The following KALRN variants were observed in gnomAD, a reference collection of about 807,000 sequenced individuals.
The protein encoded by KALRN is kalirin RhoGEF kinase, also known as kalirin.
KALRN carries 70 observed loss-of-function variants against 353.7 expected under a neutral mutation model. That is an observed-to-expected ratio of 0.20 (90% CI 0.16 to 0.24). The LOEUF (loss-of-function observed/expected upper bound fraction) is 0.24, where lower values mean the gene tolerates loss of function less well. KALRN is among the 10% of genes least tolerant of loss of function. KALRN has a pLI of 1.00. For missense variants in KALRN, 2,791 were observed against 3,756.7 expected, an observed-to-expected ratio of 0.74 and a Z score of 6.72; for synonymous variants, 1,391 against 1,434.8, an observed-to-expected ratio of 0.97 and a Z score of 0.69.
intron 33 of KALRN, among the ~76,000 whole-genome samples, chr3:124,501,446 A>C (rs1304801502): frequency 6.6e-6 from 1 of 152,218 alleles, no homozygotes; most frequent in Non-Finnish European, 1.5e-5. Flanking sequence ...GTCATGACCA[A>C]GATTTTGTTT....
At chr3:124,593,061 C>T (rs2075960855) in intron 34 of KALRN, among the ~76,000 whole-genome samples, 1 of 152,160 alleles carries the variant, frequency 6.6e-6, no homozygotes, top group Admixed American at 6.5e-5. Context: ...TAGTTGTGGG[C>T]TTGTATCTCT....
intron 10 of KALRN, among the ~76,000 whole-genome samples, chr3:124,355,604 A>G (rs2083296628): frequency 6.6e-6 from 1 of 152,028 alleles, no homozygotes; most frequent in Non-Finnish European, 1.5e-5. Context: ...GCTGTCCAAA[A>G]CAGAGTGAAG....
At chr3:124,600,968 G>T (rs2076740247) in intron 34 of KALRN, among the ~76,000 whole-genome samples, 1 of 152,198 alleles carries the variant, frequency 6.6e-6, no homozygotes, top group Admixed American at 6.5e-5. Flanking sequence ...GCCCTCTTGT[G>T]CTCATGCGTC....
rs79802878 is a variant in KALRN, at chr3:124,431,413, A to G, written c.2829+638A>G. Among the ~76,000 whole-genome samples, 255 of 152,350 alleles carry G rather than the reference A, an allele frequency of 1.7e-3. 1 individual carries two copies. The highest frequency in any genetic ancestry group is 5.4e-3 in the African/African-American group (225 of 41,592). ...GCTATTTAAAAATAAAACTTCATTT[A>G]TGATAATCTAATATAAATTTTGTCT... On this transcript the variant is annotated intron_variant, in intron 16 of 59. Transcript: ENST00000682506.
At chr3:124,172,448 C>A (rs958163774) in intron 1 of KALRN, among the ~76,000 whole-genome samples, 8 of 152,090 alleles carry the variant, frequency 5.3e-5, no homozygotes, top group African/African-American at 1.7e-4. Flanking sequence ...GATGGAATAG[C>A]CAGAAATGAT....
At chr3:124,248,236 G>C (rs1239837732) in intron 3 of KALRN, among the ~76,000 whole-genome samples, 1 of 151,408 alleles carries the variant, frequency 6.6e-6, no homozygotes, top group African/African-American at 2.4e-5. Context: ...GCTCCCCAAG[G>C]AAAAAGGAGA....
intron 51 of KALRN, among the ~76,000 whole-genome samples, chr3:124,693,246 A>C (rs2061906059): frequency 7.0e-6 from 1 of 142,058 alleles, no homozygotes; most frequent in East Asian, 2.5e-4. Context: ...ATTCCCCTTC[A>C]TCCAGAGAAG....
chr3:124,034,577 G>A (rs568892372), intron 1 of KALRN, among the ~76,000 whole-genome samples: 5 of 151,958 alleles, frequency 3.3e-5, no homozygotes, highest in South Asian at 2.1e-4. Context: ...AGCTCTTTGC[G>A]CCCCTGCCAT....
chr3:124,451,127 A>G (rs934333430), intron 21 of KALRN, among the ~76,000 whole-genome samples: 2 of 152,206 alleles, frequency 1.3e-5, no homozygotes, highest in Non-Finnish European at 2.9e-5. Context: ...AGATTATAAG[A>G]TTACTATCAA....
chr3:124,261,375 C>T (rs4677922), intron 3 of KALRN, among the ~76,000 whole-genome samples: 105,756 of 152,102 alleles, frequency 0.7, 38,626 homozygotes, highest in Non-Finnish European at 0.82. Flanking sequence ...AGCCCCAGCA[C>T]AGAATGAGCA....
At chr3:124,374,878 T>C (rs1313409969) in intron 10 of KALRN, among the ~76,000 whole-genome samples, 4 of 152,214 alleles carry the variant, frequency 2.6e-5, no homozygotes, top group Non-Finnish European at 5.9e-5. Flanking sequence ...GCAGGCAGCC[T>C]TATTCTGTTC....
At chr3:124,586,292 C>T (rs774695307) in intron 34 of KALRN, among the ~76,000 whole-genome samples, 6 of 152,162 alleles carry the variant, frequency 3.9e-5, no homozygotes, top group Non-Finnish European at 7.4e-5. Context: ...TGGGTTCGCT[C>T]GAAGGCTGCC....
intron 33 of KALRN, among the ~76,000 whole-genome samples, chr3:124,497,978 A>G (rs1266230398): frequency 1.3e-5 from 2 of 152,176 alleles, no homozygotes; most frequent in Non-Finnish European, 2.9e-5. Context: ...GCTGGACTAG[A>G]AGACCTTTGA....
chr3:124,717,346 G>A lies in KALRN; in HGVS notation c.8376G>A (p.Gln2792=), dbSNP rs2063175257. The change falls in exon 59 of 60, where the codon CAG becomes CAA. Residue 2792 remains glutamine, a synonymous_variant. Coordinates refer to ENST00000682506, the MANE Select transcript of KALRN (RefSeq NM_001388419.1). ...FYIRDIMEAL[Q]YLHNCRVAHL... Reference sequence around the variant, plus strand: ...TCCGAGACATCATGGAGGCTCTGCAGTACCTTCACAACTGCAGGGTTGCAC... The same window carrying A: ...TCCGAGACATCATGGAGGCTCTGCAATACCTTCACAACTGCAGGGTTGCAC... The A allele has an allele frequency of 1.2e-6, 2 of 1,611,980 alleles. No homozygotes were observed. The highest frequency in any genetic ancestry group is 1.7e-5 in the Admixed American group (1 of 59,696).
chr3:124,588,639 TG>T (rs1310391265), intron 34 of KALRN, among the ~76,000 whole-genome samples: 1 of 151,720 alleles, frequency 6.6e-6, no homozygotes, highest in African/African-American at 2.4e-5. Context: ...TTGTCTAGGC[TG>T]GTCTTGAACT....
intron 34 of KALRN, among the ~76,000 whole-genome samples, chr3:124,572,540 T>C (rs1319731102): frequency 2.0e-5 from 3 of 151,992 alleles, no homozygotes; most frequent in Admixed American, 1.3e-4. Context: ...TTATTTTGAG[T>C]AGAATGTCAC....
chr3:124,108,188 C>T (rs1276372532), intron 1 of KALRN, among the ~76,000 whole-genome samples: 1 of 152,190 alleles, frequency 6.6e-6, no homozygotes. Flanking sequence ...TGGTTCCATA[C>T]TCTGCCCTGG....
intron 10 of KALRN, among the ~76,000 whole-genome samples, chr3:124,353,538 T>C (rs974901205): frequency 1.1e-4 from 17 of 152,188 alleles, no homozygotes; most frequent in Non-Finnish European, 7.4e-5. Flanking sequence ...TTTAGGATTT[T>C]CAAGGGGCAT....
chr3:124,333,657 G>T (rs1319287027), intron 8 of KALRN, among the ~76,000 whole-genome samples: 3 of 152,282 alleles, frequency 2.0e-5, no homozygotes, highest in Middle Eastern at 3.4e-3. Context: ...GGAGGCTGAG[G>T]TGGGCGGATC....
Sources: gnomAD v4.1 joint callset for allele counts (sites outside exome capture counted in the v4.1 genomes callset) on GRCh38, gnomAD v4.1.1 for gene constraint, MANE v1.5 for transcripts, NCBI Gene and HGNC (gene_info 2026-07-23, HGNC 2026-07-21) for gene names.